ESR1: variants seen among roughly 807,000 people sequenced by gnomAD.
ESR1 encodes estrogen receptor.
A neutral mutation model predicts 52.7 loss-of-function variants in ESR1; 12 were observed. The observed-to-expected ratio is 0.23, with a 90% CI of 0.15 to 0.37. The LOEUF is 0.37. Among genes scored for constraint, ESR1 ranks in the 10% least tolerant of loss-of-function variants. The pLI is 1.00. For synonymous variants in ESR1, 305 were observed against 316.8 expected, an observed-to-expected ratio of 0.96 and a Z score of 0.39; for missense variants, 584 against 779.7, an observed-to-expected ratio of 0.75 and a Z score of 2.99.
chr6:152,012,079 A>G (rs2042826051), intron 5 of ESR1, among the ~76,000 whole-genome samples: 1 of 150,702 alleles, frequency 6.6e-6, no homozygotes, highest in South Asian at 2.1e-4. Flanking sequence ...CTCTGTCATT[A>G]TGAATGGTAA....
At chr6:151,876,637 TG>T (rs766051550) in intron 2 of ESR1, among the ~76,000 whole-genome samples, 3 of 152,220 alleles carry the variant, frequency 2.0e-5, no homozygotes, top group East Asian at 1.9e-4. Context: ...GGGGAAAAGC[TG>T]AATGTGGGTC....
intron 3 of ESR1, among the ~76,000 whole-genome samples, chr6:151,939,733 T>G (rs1263288802): frequency 6.6e-6 from 1 of 152,156 alleles, no homozygotes. Flanking sequence ...ACCATACCCT[T>G]GGGATCCTAT....
At chr6:151,770,087 T>G (rs1785391928) in intron 2 of ESR1, among the ~76,000 whole-genome samples, 1 of 150,758 alleles carries the variant, frequency 6.6e-6, no homozygotes. Flanking sequence ...TTAGCCTGAA[T>G]GGAATAGATG....
intron 1 of ESR1, among the ~76,000 whole-genome samples, chr6:151,670,838 G>A (rs577015183): frequency 2.0e-4 from 28 of 139,878 alleles, no homozygotes; most frequent in African/African-American, 7.0e-4. Flanking sequence ...GCGCAATCTC[G>A]GCTCACTCCA....
At chr6:152,105,775 C>CTTTTTTTTT (rs71017522), downstream of ESR1, among the ~76,000 whole-genome samples, 11 of 79,434 alleles carry the variant, frequency 1.4e-4, no homozygotes, top group African/African-American at 4.8e-4. Flanking sequence ...CAGTATGCAT[C>CTTTTTTTTT]TTTTTTTTTT....
intron 6 of ESR1, among the ~76,000 whole-genome samples, chr6:152,082,090 G>T (rs1162187733): frequency 6.6e-6 from 1 of 152,118 alleles, no homozygotes; most frequent in Non-Finnish European, 1.5e-5. Flanking sequence ...GAAAAAGAGG[G>T]ACTCCTCCCT....
At chr6:151,766,036 C>T (rs779021481) in intron 2 of ESR1, among the ~76,000 whole-genome samples, 7 of 152,158 alleles carry the variant, frequency 4.6e-5, no homozygotes, top group Non-Finnish European at 1.0e-4. Flanking sequence ...TCATGTTCCA[C>T]TGGACTTTGT....
intron 4 of ESR1, among the ~76,000 whole-genome samples, chr6:151,986,744 G>T (rs2040519117): frequency 1.3e-5 from 2 of 152,058 alleles, no homozygotes; most frequent in African/African-American, 2.4e-5. Context: ...CTAATGATTT[G>T]CTGATGGCTC....
intron 3 of ESR1, among the ~76,000 whole-genome samples, chr6:151,922,298 A>T (rs756671320): frequency 6.6e-6 from 1 of 152,238 alleles, no homozygotes; most frequent in Non-Finnish European, 1.5e-5. Context: ...CTTACACCTT[A>T]TACAAAAATT....
intron 2 of ESR1, among the ~76,000 whole-genome samples, chr6:151,767,173 A>G (rs1785125682): frequency 6.6e-6 from 1 of 152,318 alleles, no homozygotes; most frequent in East Asian, 1.9e-4. Context: ...CTCTCTTCTT[A>G]ACAATCACAT....
At chr6:151,826,737 T>C (rs1242937888) in intron 1 of ESR1, among the ~76,000 whole-genome samples, 1 of 152,354 alleles carries the variant, frequency 6.6e-6, no homozygotes, top group East Asian at 1.9e-4. Context: ...GCTCATTTAT[T>C]CATTCAACAC....
chr6:151,757,132 A>G (rs1289304917), intron 2 of ESR1, among the ~76,000 whole-genome samples: 1 of 152,156 alleles, frequency 6.6e-6, no homozygotes, highest in African/African-American at 2.4e-5. Flanking sequence ...TCACATCAGA[A>G]CTGTCTAACC....
intron 3 of ESR1, 139 bp from the exon 4 acceptor site, chr6:151,944,034 G>A: frequency 1.4e-6 from 1 of 696,790 alleles, no homozygotes; most frequent in South Asian, 1.9e-5. Context: ...AGAGCCACTT[G>A]TTGAACACTT....
chr6:152,110,684 G>GT lies in ESR1; in HGVS notation c.851-14575dup, dbSNP rs1388679178. 2.6e-5 allele frequency among the ~76,000 whole-genome samples: 4 copies of GT among 152,018 alleles called. 1 individual carries two copies. Among genetic ancestry groups the GT allele is most frequent in the South Asian group, 4.2e-4 (2 of 4,816 alleles). ...ATGTACTCCTGAACCCAAAATAAAA[G>GT]TTTTTTTCAAAAATTGCATTTAAGC... On this transcript the variant is annotated intron_variant, in intron 6 of 6. Transcript: ENST00000427531.
chr6:151,727,206 T>C (rs370500438), intron 2 of ESR1, among the ~76,000 whole-genome samples: 3 of 152,254 alleles, frequency 2.0e-5, no homozygotes, highest in East Asian at 1.9e-4. Context: ...TAATTTTCTT[T>C]TCTTTTTTTT....
chr6:152,083,734 A>G (rs2049440481), intron 6 of ESR1, among the ~76,000 whole-genome samples: 1 of 152,230 alleles, frequency 6.6e-6, no homozygotes, highest in Admixed American at 6.5e-5. Context: ...TCTTTGTAGA[A>G]TCTGCAAAGA....
rs138942682 is a variant in ESR1, at chr6:151,968,847, A to G, written c.1096+24339A>G. Among the ~76,000 whole-genome samples the G allele has an allele frequency of 2.8e-3, 432 of 152,164 alleles. 1 individual carries two copies. Among genetic ancestry groups the G allele is most frequent in the African/African-American group, 9.8e-3 (405 of 41,516 alleles). On this transcript the variant is annotated intron_variant, in intron 4 of 7. Coordinates refer to ENST00000206249, the MANE Select transcript of ESR1 (RefSeq NM_000125.4). ...GACTGGAACCATGTCAATGGAGAAG[A>G]CTTCCTCTGTGCCAGGTCCTGGTCA...
At chr6:151,974,919 G>A (rs1254210160) in intron 4 of ESR1, among the ~76,000 whole-genome samples, 2 of 152,056 alleles carry the variant, frequency 1.3e-5, no homozygotes, top group Non-Finnish European at 2.9e-5. Flanking sequence ...CTGTGTTTAG[G>A]CCCATCCCTA....
chr6:151,979,951 G>A (rs375325864), intron 4 of ESR1, among the ~76,000 whole-genome samples: 198 of 152,288 alleles, frequency 1.3e-3, no homozygotes, highest in African/African-American at 4.4e-3. Flanking sequence ...GAACCTTAAA[G>A]ATAATCAGGA....
Sources: gnomAD v4.1 joint callset for allele counts (sites outside exome capture counted in the v4.1 genomes callset) on GRCh38, gnomAD v4.1.1 for gene constraint, MANE v1.5 for transcripts, NCBI Gene and HGNC (gene_info 2026-07-23, HGNC 2026-07-21) for gene names.